Variants in LCOR observed in about 807,000 individuals in gnomAD.
LCOR encodes ligand dependent nuclear receptor corepressor.
A neutral mutation model predicts 64.4 loss-of-function variants in LCOR; 14 were observed. The observed-to-expected ratio is 0.22, with a 90% CI of 0.14 to 0.34. The LOEUF is 0.34. Ranked by LOEUF, LCOR falls within the 10% of genes least tolerant of loss-of-function variation. LCOR has a pLI of 1.00. For synonymous variants in LCOR, 643 were observed against 642.5 expected (o/e 1.00, Z -0.01); for missense variants, 1,686 against 1,765.3 (o/e 0.96, Z 0.80).
At chr10:96,948,447 T>C (rs1448362325) in intron 5 of LCOR, among the ~76,000 whole-genome samples, 3 of 152,204 alleles carry the variant, frequency 2.0e-5, no homozygotes, top group Non-Finnish European at 4.4e-5. Context: ...CAAGCTGTTT[T>C]TGCAAAGCTG....
chr10:96,888,363 CAAAAAA>C (rs61076542), intron 2 of LCOR, among the ~76,000 whole-genome samples: 20 of 30,534 alleles, frequency 6.6e-4, no homozygotes, highest in African/African-American at 1.1e-3. Context: ...GACTCCGTCT[CAAAAAA>C]AAAAAAAAAA....
chr10:96,889,939 G>A (rs1185017179), intron 2 of LCOR, among the ~76,000 whole-genome samples: 1 of 152,090 alleles, frequency 6.6e-6, no homozygotes, highest in East Asian at 1.9e-4. Flanking sequence ...GTGGAATGCT[G>A]GGTCATTTGG....
chr10:96,920,710 GTATATATGTATATATGTTCA>G (rs1207732444), intron 4 of LCOR, among the ~76,000 whole-genome samples: 13 of 138,248 alleles, frequency 9.4e-5, no homozygotes, highest in African/African-American at 3.9e-4. Context: ...ATATATGTGT[GTATATATGTATATATGTTCA>G]TATATATGTG....
At chr10:96,914,709 TC>T (rs1846908008) in intron 4 of LCOR, among the ~76,000 whole-genome samples, 1 of 152,238 alleles carries the variant, frequency 6.6e-6, no homozygotes, top group Admixed American at 6.5e-5. Context: ...GAAGTCTTTA[TC>T]TAATGCTCTG....
intron 2 of LCOR, among the ~76,000 whole-genome samples, chr10:96,845,938 G>A (rs1466524628): frequency 6.6e-6 from 1 of 152,054 alleles, no homozygotes; most frequent in Non-Finnish European, 1.5e-5. Context: ...CGGGGATTGT[G>A]GCTCACGCCT....
intron 4 of LCOR, among the ~76,000 whole-genome samples, chr10:96,938,946 G>C (rs1237012008): frequency 6.6e-6 from 1 of 152,152 alleles, no homozygotes; most frequent in African/African-American, 2.4e-5. Context: ...AAATTGATAC[G>C]CTGATTCAGT....
At chr10:96,974,263 CTAATT>C (rs1213034570) in intron 7 of LCOR, among the ~76,000 whole-genome samples, 1 of 152,198 alleles carries the variant, frequency 6.6e-6, no homozygotes, top group Non-Finnish European at 1.5e-5. Context: ...AAACTGAAAA[CTAATT>C]TAAGTATTGG....
chr10:96,870,243 C>T (rs1315763368), intron 2 of LCOR, among the ~76,000 whole-genome samples: 2 of 151,848 alleles, frequency 1.3e-5, no homozygotes, highest in African/African-American at 4.8e-5. Context: ...AATCTCCTGA[C>T]CTCATGATCT....
intron 6 of LCOR, among the ~76,000 whole-genome samples, chr10:96,951,132 C>T (rs17112234): frequency 1.3e-5 from 2 of 151,958 alleles, no homozygotes; most frequent in Admixed American, 6.5e-5. Flanking sequence ...TACTGGCCAA[C>T]TGAAAATTAA....
At chr10:96,969,659 C>G (rs1739705152) in intron 7 of LCOR, among the ~76,000 whole-genome samples, 1 of 151,936 alleles carries the variant, frequency 6.6e-6, no homozygotes, top group African/African-American at 2.4e-5. Flanking sequence ...ACAATTATGC[C>G]TATTTAATGT....
chr10:96,970,598 C>CATTTTATTTTATTTTATTTTATTTT (rs529698846), intron 7 of LCOR, among the ~76,000 whole-genome samples: 27 of 141,060 alleles, frequency 1.9e-4, no homozygotes, highest in African/African-American at 3.9e-4. Context: ...TCCTAACCAG[C>CATTTTATTTTATTTTATTTTATTTT]ATTTTATTTT....
At chr10:96,889,583 C>T (rs1846404596) in intron 2 of LCOR, among the ~76,000 whole-genome samples, 1 of 152,222 alleles carries the variant, frequency 6.6e-6, no homozygotes, top group Admixed American at 6.5e-5. Flanking sequence ...AACAAGGACA[C>T]TAATTCTGTC....
intron 4 of LCOR, among the ~76,000 whole-genome samples, chr10:96,920,434 G>GTATATATATATATATATTCA (rs765295602): frequency 1.3e-4 from 16 of 123,998 alleles, no homozygotes; most frequent in African/African-American, 2.5e-4. Context: ...ATATATATGT[G>GTATATATATATATATATTCA]TATATATGTG....
chr10:96,930,273 C>CT (rs1174204907), intron 4 of LCOR, among the ~76,000 whole-genome samples: 34 of 152,104 alleles, frequency 2.2e-4, no homozygotes, highest in Non-Finnish European at 4.4e-5. Context: ...ACCACAGTGT[C>CT]TTTATTATAT....
At chr10:96,979,357 A>G (rs1177522053) in intron 7 of LCOR, among the ~76,000 whole-genome samples, 4 of 152,210 alleles carry the variant, frequency 2.6e-5, no homozygotes, top group Admixed American at 1.3e-4. Flanking sequence ...GAGCACACCG[A>G]CTGCATGGGT....
chr10:96,939,779 C>T (rs953157572), intron 4 of LCOR, among the ~76,000 whole-genome samples: 6 of 152,134 alleles, frequency 3.9e-5, no homozygotes, highest in South Asian at 2.1e-4. Flanking sequence ...CTGGCCAACA[C>T]GGTGAAATCC....
intron 2 of LCOR, among the ~76,000 whole-genome samples, chr10:96,889,276 T>A (rs1467450556): frequency 3.3e-5 from 5 of 152,248 alleles, no homozygotes; most frequent in African/African-American, 1.2e-4. Context: ...TTAGCATATT[T>A]TTGAAGTTCA....
chr10:96,964,114 A>T (rs913996236), intron 7 of LCOR: 2 of 152,136 alleles, frequency 1.3e-5, no homozygotes, highest in Admixed American at 6.5e-5. Context: ...ATGATCACAA[A>T]TTAAGTTTTT....
intron 7 of LCOR, among the ~76,000 whole-genome samples, chr10:96,977,328 AAAG>A (rs1848047287): frequency 6.6e-6 from 1 of 152,202 alleles, no homozygotes; most frequent in Admixed American, 6.5e-5. Flanking sequence ...AGCCAGTAAG[AAAG>A]AAGATTTAAT....
Sources: allele counts gnomAD v4.1 joint callset (sites outside exome capture counted in the v4.1 genomes callset), GRCh38; gene constraint gnomAD v4.1.1; transcripts MANE v1.5; gene names NCBI Gene and HGNC (gene_info 2026-07-23, HGNC 2026-07-21).